Variants in ANKRD50 observed in about 807,000 individuals in gnomAD.
The protein encoded by ANKRD50 is ankyrin repeat domain 50.
ANKRD50 carries 40 observed loss-of-function variants against 112.0 expected under a neutral mutation model. That is an observed-to-expected ratio of 0.36 (90% CI 0.28 to 0.46). The LOEUF is 0.46. ANKRD50 is among the 20% of genes least tolerant of loss of function. ANKRD50 has a pLI of 1.00. For synonymous variants in ANKRD50, 613 were observed against 619.1 expected, an observed-to-expected ratio of 0.99 and a Z score of 0.15; for missense variants, 1,487 against 1,701.7, an observed-to-expected ratio of 0.87 and a Z score of 2.22.
intron 2 of ANKRD50, among the ~76,000 whole-genome samples, chr4:124,708,760 C>G (rs977003954): frequency 2.7e-5 from 4 of 149,928 alleles, no homozygotes; most frequent in African/African-American, 9.8e-5. Flanking sequence ...CTGCCATTTA[C>G]TAGTCTGTAA....
chr4:124,687,573 A>T (rs1262692765), intron 2 of ANKRD50, among the ~76,000 whole-genome samples: 1 of 152,200 alleles, frequency 6.6e-6, no homozygotes, highest in Non-Finnish European at 1.5e-5. Context: ...TACTGTTAAG[A>T]TAATGAAAAG....
chr4:124,674,393 C>A (rs544692731), intron 3 of ANKRD50, among the ~76,000 whole-genome samples: 1 of 151,880 alleles, frequency 6.6e-6, no homozygotes, highest in East Asian at 1.9e-4. Context: ...TAGGGTTCTA[C>A]AGAAAGGAAT....
intron 2 of ANKRD50, among the ~76,000 whole-genome samples, chr4:124,707,651 C>A (rs986768580): frequency 5.3e-5 from 8 of 152,018 alleles, no homozygotes; most frequent in African/African-American, 1.9e-4. Context: ...CAGTGAAGAG[C>A]ACCAAAATGG....
rs10624217 is a variant in ANKRD50, at chr4:124,689,927, T to TGC, written c.513-11023_513-11022insGC. Among the ~76,000 whole-genome samples the TGC allele has an allele frequency of 4.0e-5, 6 of 149,288 alleles. No individual in the cohort carries two copies. The East Asian group carries it at 9.9e-4, about 25-fold the overall frequency. ...ATTAAATTTACTCTTACATAATTTG[T>TGC]TTTTTAAAATGTGTATTCTATATCT... On this transcript the variant is annotated intron_variant, in intron 2 of 4. Coordinates refer to ENST00000504087, the MANE Select transcript of ANKRD50 (RefSeq NM_020337.3).
chr4:124,709,435 G>C (rs776065297), intron 2 of ANKRD50, among the ~76,000 whole-genome samples: 27 of 151,936 alleles, frequency 1.8e-4, no homozygotes, highest in Non-Finnish European at 3.4e-4. Context: ...GATCCCAAAT[G>C]TTCGCTATTT....
intron 3 of ANKRD50, among the ~76,000 whole-genome samples, chr4:124,674,893 C>T (rs993263712): frequency 2.6e-5 from 4 of 151,714 alleles, no homozygotes; most frequent in Non-Finnish European, 5.9e-5. Flanking sequence ...CTAAGAATAT[C>T]TATTAATCAA....
Position 124,666,810 on chromosome 4 carries a change from T to G in ANKRD50, c.*708A>C, listed in dbSNP as rs1312859267. The G allele has an allele frequency of 6.6e-6, 1 of 152,422 alleles. No individual in the cohort carries two copies. The highest frequency in any genetic ancestry group is 2.4e-5 in the African/African-American group (1 of 41,430). 9.4% of individuals were successfully genotyped at this position (152,422 alleles called of 1,614,324 possible). On this transcript the variant is annotated 3_prime_UTR_variant, in exon 5 of 5. Coordinates refer to ENST00000504087, the MANE Select transcript of ANKRD50 (RefSeq NM_020337.3). ...ATAGGACTTTGTTCTGCCTACAGAC[T>G]GGTTGGTTGTTTGTTCTGACATGTT...
chr4:124,666,169 C>T lies in ANKRD50; in HGVS notation c.*1349G>A, dbSNP rs940469026. On this transcript the variant is annotated 3_prime_UTR_variant, in exon 5 of 5. Transcript: ENST00000504087. ...ACAACTTTTCCAGACATATAAACGA[C>T]CCATCTAAGCTACAGCTCCACTGAT... is the stretch of plus-strand genomic sequence containing the variant. 3.3e-5 allele frequency: 5 copies of T among 152,320 alleles called. No individual in the cohort carries two copies. Among genetic ancestry groups the T allele is most frequent in the African/African-American group, 9.7e-5 (4 of 41,406 alleles). 9.4% of individuals were successfully genotyped at this position (152,320 alleles called of 1,614,324 possible). A position where few individuals can be genotyped will look rare whatever the true frequency, so the allele number is the denominator to read the frequency against.
intron 3 of ANKRD50, among the ~76,000 whole-genome samples, chr4:124,677,787 A>G (rs1453606942): frequency 6.6e-6 from 1 of 151,946 alleles, no homozygotes; most frequent in Admixed American, 6.6e-5. Flanking sequence ...TATGAGCTGA[A>G]AGCATATAAA....
chr4:124,677,429 GAAGGAGTACTATCTACC>G (rs1730798185), intron 3 of ANKRD50, among the ~76,000 whole-genome samples: 1 of 151,744 alleles, frequency 6.6e-6, no homozygotes. Context: ...TTATTGATGG[GAAGGAGTACTATCTACC>G]AATTAAAACC....
rs778433114 is a variant in ANKRD50 at position 124,672,418 on chromosome 4, C to T, written c.859G>A (p.Glu287Lys). The T allele has an allele frequency of 2.5e-6, 4 of 1,613,194 alleles. No homozygotes were observed. The South Asian group carries it at 4.4e-5, about 18-fold the overall frequency. The change falls in exon 4 of 5, where the codon GAA becomes AAA. Residue 287 changes from glutamate to lysine, a missense_variant. Physicochemically the swap from Glu to Lys is moderately conservative, Grantham distance 56. Coordinates refer to ENST00000504087, the MANE Select transcript of ANKRD50 (RefSeq NM_020337.3). The part of the protein sequence containing the change: ...EEALRQHLTK[E>K]TAEMLNQLHI... ...AGTTGATTTAACATCTCTGCAGTTTCTTTTGTGAGGTGTTGTCGCAAAGCT... is the reference window on the plus strand; with the variant it reads ...AGTTGATTTAACATCTCTGCAGTTTTTTTTGTGAGGTGTTGTCGCAAAGCT...
chr4:124,691,006 A>T (rs899184842), intron 2 of ANKRD50, among the ~76,000 whole-genome samples: 2 of 152,180 alleles, frequency 1.3e-5, no homozygotes, highest in African/African-American at 4.8e-5. Flanking sequence ...TGGCCTTAAG[A>T]GTAAATGGTA....
chr4:124,666,128 C>A lies in ANKRD50; in HGVS notation c.*1390G>T, dbSNP rs1211153742. On this transcript the variant is annotated 3_prime_UTR_variant, in exon 5 of 5. Coordinates refer to ENST00000504087, the MANE Select transcript of ANKRD50 (RefSeq NM_020337.3). ...TCTAAGATCAAATCCACAACCTTGG[C>A]TTCTAAACTGTTATGACAACTTTTC... 1 of 152,324 alleles carries A rather than the reference C, an allele frequency of 6.6e-6. No individual in the cohort carries two copies. 9.4% of individuals were successfully genotyped at this position (152,324 alleles called of 1,614,324 possible).
intron 3 of ANKRD50, among the ~76,000 whole-genome samples, chr4:124,674,986 T>C (rs1485292205): frequency 1.3e-5 from 2 of 151,796 alleles, no homozygotes; most frequent in Admixed American, 1.3e-4. Context: ...TGTAATCCTC[T>C]TATTATGAAC....
Position 124,711,201 on chromosome 4 carries a change from C to G in ANKRD50, c.-690G>C, listed in dbSNP as rs1223708566. ...TCATAATATGCATTTTTCAAGACAG[C>G]AGATTCTTAATGAACCTGTTCACAG... On this transcript the variant is annotated 5_prime_UTR_variant, in exon 2 of 5. Coordinates refer to ENST00000504087, the MANE Select transcript of ANKRD50 (RefSeq NM_020337.3). 1 of 155,466 alleles carries G rather than the reference C, an allele frequency of 6.4e-6. No homozygotes were observed. Among genetic ancestry groups the G allele is most frequent in the African/African-American group, 2.4e-5 (1 of 41,596 alleles). 9.6% of individuals were successfully genotyped at this position (155,466 alleles called of 1,614,324 possible). A position where few individuals can be genotyped will look rare whatever the true frequency, so the allele number is the denominator to read the frequency against.
intron 2 of ANKRD50, among the ~76,000 whole-genome samples, chr4:124,692,800 A>G (rs1438593493): frequency 6.6e-6 from 1 of 152,220 alleles, no homozygotes; most frequent in Non-Finnish European, 1.5e-5. Context: ...CAAAAGAAAA[A>G]TGCTGTTGCT....
At chr4:124,695,417 C>T (rs1205740640) in intron 2 of ANKRD50, among the ~76,000 whole-genome samples, 2 of 152,142 alleles carry the variant, frequency 1.3e-5, no homozygotes, top group African/African-American at 4.8e-5. Context: ...ACCGGCAAAG[C>T]TTTCAAGGGG....
At chr4:124,668,046 T>C (rs1340915468) in intron 4 of ANKRD50, among the ~76,000 whole-genome samples, 7 of 151,914 alleles carry the variant, frequency 4.6e-5, no homozygotes, top group African/African-American at 1.7e-4. Flanking sequence ...GGGATAAATA[T>C]AGCTGCAGTG....
chr4:124,672,459 C>T lies in ANKRD50; in HGVS notation c.818G>A (p.Arg273His), dbSNP rs768380221. The stretch of plus-strand genomic sequence containing the variant: ...TCGCAAAGCTTCTTCTTGATCTAAA[C>T]GATGAAGAATGTACTGCTGAACATC... ...VKDVQQYILH[R>H]LDQEEALRQH... The change falls in exon 4 of 5, where the codon CGT (arginine) becomes CAT (histidine). Residue 273 changes from arginine (R) to histidine (H), a missense_variant. Arg to His is a conservative substitution (Grantham distance 29). Coordinates refer to ENST00000504087, the MANE Select transcript of ANKRD50 (RefSeq NM_020337.3). 4 of 1,611,936 alleles carry T rather than the reference C, an allele frequency of 2.5e-6. No homozygotes were observed. Among genetic ancestry groups the T allele is most frequent in the Non-Finnish European group, 3.4e-6 (4 of 1,179,080 alleles).
Sources: gnomAD v4.1 joint callset for allele counts (sites outside exome capture counted in the v4.1 genomes callset) on GRCh38, gnomAD v4.1.1 for gene constraint, MANE v1.5 for transcripts, NCBI Gene and HGNC (gene_info 2026-07-23, HGNC 2026-07-21) for gene names.